The following PLB1 variants were observed in gnomAD, a reference collection of about 807,000 sequenced individuals.
PLB1 encodes the protein phospholipase B1, also known as phospholipase B1, membrane-associated.
PLB1 carries 242 observed loss-of-function variants against 227.4 expected under a neutral mutation model. The ratio of observed to expected loss-of-function variants is 1.06; its 90% CI spans 0.96 to 1.18. The LOEUF (loss-of-function observed/expected upper bound fraction) is 1.18. PLB1 is among the 50% of genes most tolerant of loss of function. The probability of loss-of-function intolerance (pLI) is 0.00; values close to 1 mark genes in which losing one functional copy is unlikely to be tolerated. For missense variants in PLB1, 1,858 were observed against 1,816.3 expected (o/e 1.02, Z -0.42); for synonymous variants, 757 against 682.2 (o/e 1.11, Z -1.71).
chr2:28,616,664 C>T (rs916493543), intron 44 of PLB1, among the ~76,000 whole-genome samples: 1 of 152,178 alleles, frequency 6.6e-6, no homozygotes, highest in African/African-American at 2.4e-5. Context: ...TAACTTTTTA[C>T]GTTGCATTTT....
chr2:28,559,067 C>A (rs1450016922), intron 17 of PLB1, among the ~76,000 whole-genome samples: 3 of 152,168 alleles, frequency 2.0e-5, no homozygotes, highest in African/African-American at 7.2e-5. Context: ...ACTTTGTTGC[C>A]CAGGCTGGAG....
At chr2:28,505,852 G>A (rs1194353041) in intron 1 of PLB1, among the ~76,000 whole-genome samples, 1 of 152,138 alleles carries the variant, frequency 6.6e-6, no homozygotes, top group Non-Finnish European at 1.5e-5. Flanking sequence ...ACACCTAGTT[G>A]GTGGCATAGC....
At chr2:28,567,060 G>A (rs1677072142) in intron 20 of PLB1, among the ~76,000 whole-genome samples, 1 of 149,708 alleles carries the variant, frequency 6.7e-6, no homozygotes, top group Non-Finnish European at 1.5e-5. Context: ...CTTGGGGGCC[G>A]GGGGCGGGGA....
intron 2 of PLB1, 138 bp downstream of exon 2, chr2:28,517,007 G>C: frequency 1.2e-6 from 1 of 808,418 alleles, no homozygotes; most frequent in Non-Finnish European, 2.0e-6. Context: ...TGGATGAACC[G>C]CTTCCCCCAT....
intron 26 of PLB1, among the ~76,000 whole-genome samples, chr2:28,586,094 T>C (rs1167754284): frequency 6.6e-6 from 1 of 152,214 alleles, no homozygotes; most frequent in Non-Finnish European, 1.5e-5. Context: ...AAACGAACGT[T>C]TCCACTTGTC....
Position 28,548,927 on chromosome 2 carries a change from C to T in PLB1, c.1004C>T (p.Ser335Phe), listed in dbSNP as rs776563538. The T allele has an allele frequency of 1.4e-5, 23 of 1,613,904 alleles. No individual in the cohort carries two copies. Among genetic ancestry groups the T allele is most frequent in the Non-Finnish European group, 1.9e-5 (23 of 1,179,934 alleles). ...CACGGGAGGCCAATGAAGTGTCCCT[C>T]TCAGGTAGGAGGGACTGGGCAGAGG... ...VKHGRPMKCP[S>F]QESPYLFSYR... is the part of the protein sequence containing the mutation. The change falls in exon 15 of 58, where the codon TCT becomes TTT. Residue 335 changes from serine to phenylalanine, a missense_variant. By Grantham distance (155) the Ser-to-Phe change is radical. Coordinates refer to ENST00000327757, the MANE Select transcript of PLB1 (RefSeq NM_153021.5).
At chr2:28,566,698 TGTTTCTCGGGAGACGGGC>T (rs1676971328) in intron 19 of PLB1, 80 bp from the exon 20 acceptor site, 5 of 1,347,084 alleles carry the variant, frequency 3.7e-6, no homozygotes, top group Non-Finnish European at 5.3e-6. Flanking sequence ...GCCCCCGGGC[TGTTTCTCGGGAGACGGGC>T]GTTTCTGGCT....
At chr2:28,568,707 T>C (rs1677487222) in intron 20 of PLB1, among the ~76,000 whole-genome samples, 1 of 152,180 alleles carries the variant, frequency 6.6e-6, no homozygotes, top group African/African-American at 2.4e-5. Flanking sequence ...CTAATATTTA[T>C]AGATGTGTAC....
At chr2:28,590,207 C>T (rs1218442327) in intron 29 of PLB1, 131 bp downstream of exon 29, 9 of 768,574 alleles carry the variant, frequency 1.2e-5, no homozygotes, top group Non-Finnish European at 2.0e-5. Flanking sequence ...GGTTAACTGC[C>T]CCAAATGCCC....
chr2:28,629,226 G>A (rs1688260456), intron 53 of PLB1, 41 bp downstream of exon 53: 1 of 1,585,958 alleles, frequency 6.3e-7, no homozygotes, highest in African/African-American at 1.3e-5. Flanking sequence ...GGGCACCTGG[G>A]GTGAGGAGGG....
chr2:28,589,398 C>T (rs998565406), intron 26 of PLB1, 52 bp from the exon 27 acceptor site: 30 of 1,350,686 alleles, frequency 2.2e-5, no homozygotes, highest in South Asian at 1.8e-4. Flanking sequence ...AATCAAGGAC[C>T]GAGCAGATGC....
intron 13 of PLB1, among the ~76,000 whole-genome samples, chr2:28,542,132 CAAA>C (rs34320310): frequency 1.4e-4 from 18 of 125,798 alleles, no homozygotes; most frequent in Middle Eastern, 4.2e-3. Flanking sequence ...GACTCAGTCT[CAAA>C]AAAAAAAAAA....
chr2:28,590,085 G>C lies in PLB1; in HGVS notation c.2088+9G>C, dbSNP rs541585120. 4.4e-6 allele frequency: 7 copies of C among 1,605,448 alleles called. No homozygotes were observed. Among genetic ancestry groups the C allele is most frequent in the Non-Finnish European group, 6.0e-6 (7 of 1,172,154 alleles). On this transcript the variant is annotated intron_variant, in intron 29 of 57. Transcript: ENST00000327757. ...TCACATGTCCGAACCAGGTAGAGTG[G>C]AAAGCACGTCCTTCCAGGCTCCGGC...
intron 26 of PLB1, among the ~76,000 whole-genome samples, chr2:28,588,039 G>C (rs899610305): frequency 6.6e-6 from 1 of 152,136 alleles, no homozygotes; most frequent in Non-Finnish European, 1.5e-5. Context: ...TGTGTCAGCC[G>C]TGTGTGGCCA....
intron 1 of PLB1, among the ~76,000 whole-genome samples, chr2:28,512,711 G>T (rs1233756044): frequency 6.7e-6 from 1 of 149,506 alleles, no homozygotes; most frequent in African/African-American, 2.5e-5. Flanking sequence ...TGTTGGCCTG[G>T]CATCCTAGGA....
intron 9 of PLB1, among the ~76,000 whole-genome samples, chr2:28,534,607 G>C (rs1243261849): frequency 3.9e-5 from 6 of 152,196 alleles, no homozygotes; most frequent in Non-Finnish European, 8.8e-5. Flanking sequence ...TGTAATCCCA[G>C]CACTTTAGGA....
intron 54 of PLB1, 54 bp from the exon 55 acceptor site, chr2:28,631,982 C>CCTGT (rs1301234970): frequency 1.4e-6 from 2 of 1,465,136 alleles, no homozygotes; most frequent in Non-Finnish European, 1.9e-6. Context: ...AGGACTGGAC[C>CCTGT]CTGTCTGTGC....
At chr2:28,620,396 T>C (rs1466828703) in intron 47 of PLB1, 64 bp downstream of exon 47, 3 of 1,470,664 alleles carry the variant, frequency 2.0e-6, no homozygotes, top group Non-Finnish European at 2.8e-6. Flanking sequence ...GAGTAGTGTG[T>C]TTCCTGTCAC....
At chr2:28,567,862 G>C (rs150689874) in intron 20 of PLB1, among the ~76,000 whole-genome samples, 2 of 152,124 alleles carry the variant, frequency 1.3e-5, no homozygotes, top group African/African-American at 4.8e-5. Flanking sequence ...GTATGCAAGC[G>C]ATACATATTT....
Sources: gnomAD v4.1 joint callset for allele counts (sites outside exome capture counted in the v4.1 genomes callset) on GRCh38, gnomAD v4.1.1 for gene constraint, MANE v1.5 for transcripts, NCBI Gene and HGNC (gene_info 2026-07-23, HGNC 2026-07-21) for gene names.